HMG20A: variants seen among roughly 807,000 people sequenced by gnomAD.
HMG20A encodes the protein high mobility group 20A.
A neutral mutation model predicts 43.9 loss-of-function variants in HMG20A; 17 were observed. The observed-to-expected ratio is 0.39, with a 90% CI of 0.27 to 0.58. HMG20A has a LOEUF of 0.58. Ranked by LOEUF, HMG20A falls within the 20% of genes least tolerant of loss-of-function variation. The pLI, the probability that HMG20A is intolerant of heterozygous loss-of-function variation, is 0.59. For missense variants in HMG20A, 341 were observed against 438.2 expected (o/e 0.78, Z 1.98); for synonymous variants, 132 against 147.5 (o/e 0.89, Z 0.76).
intron 1 of HMG20A, among the ~76,000 whole-genome samples, chr15:77,434,025 G>T (rs1007015995): frequency 2.6e-5 from 4 of 152,184 alleles, no homozygotes; most frequent in Non-Finnish European, 5.9e-5. Context: ...TGGTAATGGC[G>T]CAAGGATAGA....
At chr15:77,497,683 G>GAGAC in the HMG20A span, among the ~76,000 whole-genome samples, 3 of 44,882 alleles carry the variant, frequency 6.7e-5, no homozygotes, top group African/African-American at 1.5e-4. Flanking sequence ...GAGAGAGAGA[G>GAGAC]TGTGTGTGTG....
At chr15:77,491,917 C>T in the HMG20A span, among the ~76,000 whole-genome samples, 1 of 152,206 alleles carries the variant, frequency 6.6e-6, no homozygotes, top group East Asian at 1.9e-4. Flanking sequence ...CCTTGAATGT[C>T]AAGCCAAGGG....
At chr15:77,493,894 C>T in the HMG20A span, among the ~76,000 whole-genome samples, 2 of 152,230 alleles carry the variant, frequency 1.3e-5, no homozygotes, top group African/African-American at 4.8e-5. Flanking sequence ...ATTTGAGATG[C>T]AAGTGTTAAG....
chr15:77,451,121 T>C (rs1229747229), intron 1 of HMG20A, among the ~76,000 whole-genome samples: 1 of 152,224 alleles, frequency 6.6e-6, no homozygotes, highest in Non-Finnish European at 1.5e-5. Context: ...CAGTGAATAA[T>C]ATTCTATTAT....
the HMG20A span, among the ~76,000 whole-genome samples, chr15:77,504,780 G>A: frequency 6.6e-6 from 1 of 152,126 alleles, no homozygotes; most frequent in Non-Finnish European, 1.5e-5. Context: ...ATGGGGGGAT[G>A]CAAAGGGCAG....
chr15:77,505,823 C>G, the HMG20A span, among the ~76,000 whole-genome samples: 46 of 152,344 alleles, frequency 3.0e-4, no homozygotes, highest in African/African-American at 1.1e-3. Context: ...GAGTAGATGG[C>G]AGAGCCAGAT....
At chr15:77,506,117 C>A in the HMG20A span, among the ~76,000 whole-genome samples, 3 of 150,838 alleles carry the variant, frequency 2.0e-5, no homozygotes, top group Non-Finnish European at 4.4e-5. Context: ...ATACAGGACA[C>A]CCAGTTAAAT....
Position 77,483,440 on chromosome 15 carries a change from T to A in HMG20A, c.*477T>A, listed in dbSNP as rs1260116137. The stretch of plus-strand genomic sequence containing the variant: ...TCCTTGGCCCCCACCAATTTATACA[T>A]CTCCATTTTCTGACCTCTGGACTAA... On this transcript the variant is annotated 3_prime_UTR_variant, in exon 10 of 10. Coordinates refer to ENST00000336216, the MANE Select transcript of HMG20A (RefSeq NM_001304504.2). 1 of 152,636 alleles carries A rather than the reference T, an allele frequency of 6.6e-6. No individual in the cohort carries two copies. Among genetic ancestry groups the A allele is most frequent in the Non-Finnish European group, 1.5e-5 (1 of 68,058 alleles). The allele number at this position is 152,636 out of a possible 1,614,324, so 9.5% of individuals were successfully genotyped here.
intron 1 of HMG20A, among the ~76,000 whole-genome samples, chr15:77,425,853 T>G (rs2073421395): frequency 6.6e-6 from 1 of 152,192 alleles, no homozygotes; most frequent in Admixed American, 6.5e-5. Flanking sequence ...CAGCCTTATT[T>G]GTAAAAGGCA....
At chr15:77,518,518 C>G in the HMG20A span, among the ~76,000 whole-genome samples, 1 of 152,208 alleles carries the variant, frequency 6.6e-6, no homozygotes, top group African/African-American at 2.4e-5. Context: ...ACATTACTCA[C>G]CAGCCCTTCA....
At chr15:77,519,156 G>A in the HMG20A span, among the ~76,000 whole-genome samples, 1 of 152,136 alleles carries the variant, frequency 6.6e-6, no homozygotes, top group African/African-American at 2.4e-5. Flanking sequence ...AAAAGATGAA[G>A]GTGATCTGGA....
chr15:77,444,870 C>T (rs1018635218), intron 1 of HMG20A, among the ~76,000 whole-genome samples: 25 of 152,138 alleles, frequency 1.6e-4, no homozygotes, highest in African/African-American at 5.6e-4. Context: ...GTGAAGAAAA[C>T]TCTAAATTTC....
intron 1 of HMG20A, 119 bp from the exon 2 acceptor site, chr15:77,458,285 G>A (rs572845840): frequency 2.2e-5 from 14 of 627,292 alleles, no homozygotes; most frequent in African/African-American, 2.2e-4. Flanking sequence ...AAATATTTAG[G>A]TCAGTTTTTA....
the HMG20A span, among the ~76,000 whole-genome samples, chr15:77,496,138 G>A: frequency 6.6e-6 from 1 of 152,142 alleles, no homozygotes; most frequent in African/African-American, 2.4e-5. Context: ...GAGGAGGGGC[G>A]GCCTCCCTAC....
chr15:77,510,406 C>T, the HMG20A span, among the ~76,000 whole-genome samples: 1 of 152,240 alleles, frequency 6.6e-6, no homozygotes, highest in East Asian at 1.9e-4. Context: ...GCAAGCAAAA[C>T]CTTTCATATT....
intron 1 of HMG20A, among the ~76,000 whole-genome samples, chr15:77,438,248 G>A (rs1047627762): frequency 6.6e-6 from 1 of 150,838 alleles, no homozygotes; most frequent in Non-Finnish European, 1.5e-5. Context: ...CAAAGAGCTG[G>A]GATTACAGGT....
Position 77,483,073 on chromosome 15 carries a change from C to A in HMG20A, c.*110C>A, listed in dbSNP as rs2072918571. The A allele has an allele frequency of 6.6e-6, 1 of 152,026 alleles. No homozygotes were observed. Among genetic ancestry groups the A allele is most frequent in the Admixed American group, 6.6e-5 (1 of 15,264 alleles). 9.4% of individuals were successfully genotyped at this position (152,026 alleles called of 1,614,324 possible). ...TGGGGGCAGAGAAAGAGTGCAGATC[C>A]CTTTGCTTGTGAAAGAATTATCAGT... On this transcript the variant is annotated 3_prime_UTR_variant, in exon 10 of 10. Coordinates refer to ENST00000336216, the MANE Select transcript of HMG20A (RefSeq NM_001304504.2).
intron 1 of HMG20A, among the ~76,000 whole-genome samples, chr15:77,441,241 C>A (rs1266249383): frequency 1.3e-5 from 2 of 152,096 alleles, no homozygotes; most frequent in Non-Finnish European, 2.9e-5. Context: ...TCTAGGCAGT[C>A]TGACTCCAGA....
At chr15:77,519,330 G>A in the HMG20A span, among the ~76,000 whole-genome samples, 2 of 152,218 alleles carry the variant, frequency 1.3e-5, no homozygotes, top group Non-Finnish European at 2.9e-5. Flanking sequence ...CAACTCCAAC[G>A]CCAGTGTGCG....
Sources: gnomAD v4.1 joint callset for allele counts (sites outside exome capture counted in the v4.1 genomes callset) on GRCh38, gnomAD v4.1.1 for gene constraint, MANE v1.5 for transcripts, NCBI Gene and HGNC (gene_info 2026-07-23, HGNC 2026-07-21) for gene names.